The following MAF variants were observed in gnomAD, a reference collection of about 807,000 sequenced individuals.
MAF encodes the protein MAF bZIP transcription factor.
MAF carries 10 observed loss-of-function variants against 22.0 expected under a neutral mutation model. The observed-to-expected ratio is 0.45, with a 90% CI of 0.28 to 0.77. The LOEUF (loss-of-function observed/expected upper bound fraction) is 0.77. MAF is among the 30% of genes least tolerant of loss of function. The pLI is 0.12. For missense variants in MAF, 544 were observed against 548.4 expected (o/e 0.99, Z 0.08); for synonymous variants, 337 against 255.8 (o/e 1.32, Z -3.03).
the MAF span, among the ~76,000 whole-genome samples, chr16:79,573,488 T>C: frequency 2.0e-5 from 3 of 152,216 alleles, no homozygotes; most frequent in African/African-American, 7.2e-5. Flanking sequence ...TTCCCCCATA[T>C]CTTCTGGAAA....
chr16:79,459,906 A>G, the MAF span, among the ~76,000 whole-genome samples: 5 of 152,214 alleles, frequency 3.3e-5, no homozygotes, highest in South Asian at 8.3e-4. Context: ...ACATTCTCAT[A>G]AATATATCTG....
At chr16:79,462,678 G>A in the MAF span, among the ~76,000 whole-genome samples, 3 of 152,142 alleles carry the variant, frequency 2.0e-5, no homozygotes. Context: ...CACACAAAGG[G>A]AATTTCGTCC....
chr16:79,211,949 T>A, the MAF span: 1 of 1,536,718 alleles, frequency 6.5e-7, no homozygotes, highest in African/African-American at 1.4e-5. Flanking sequence ...AAATCTTAAG[T>A]ACCAATGGGA....
chr16:79,536,991 T>C, the MAF span, among the ~76,000 whole-genome samples: 1 of 152,184 alleles, frequency 6.6e-6, no homozygotes, highest in Non-Finnish European at 1.5e-5. Flanking sequence ...CTTTTATGTA[T>C]ACCATAGGCT....
chr16:79,252,588 C>T, the MAF span, among the ~76,000 whole-genome samples: 1 of 152,082 alleles, frequency 6.6e-6, no homozygotes, highest in African/African-American at 2.4e-5. Context: ...CTCCTGGGTT[C>T]AAGCGATTCT....
At chr16:79,267,719 C>T in the MAF span, among the ~76,000 whole-genome samples, 3 of 152,188 alleles carry the variant, frequency 2.0e-5, no homozygotes, top group Non-Finnish European at 2.9e-5. Flanking sequence ...AAGATGAACA[C>T]CTGCTTCAAT....
chr16:79,332,901 C>G, the MAF span, among the ~76,000 whole-genome samples: 1 of 152,198 alleles, frequency 6.6e-6, no homozygotes. Flanking sequence ...CACAGTTCTC[C>G]AAGCTGGGAT....
chr16:79,322,078 G>A, the MAF span, among the ~76,000 whole-genome samples: 5 of 151,982 alleles, frequency 3.3e-5, no homozygotes, highest in African/African-American at 4.8e-5. Context: ...CTAAAAATAC[G>A]AAAATTAGCC....
the MAF span, among the ~76,000 whole-genome samples, chr16:79,251,484 T>G: frequency 6.6e-6 from 1 of 151,894 alleles, no homozygotes; most frequent in Non-Finnish European, 1.5e-5. Flanking sequence ...TCTGGCCAAT[T>G]TTTTGTATTT....
the MAF span, among the ~76,000 whole-genome samples, chr16:79,537,505 G>A: frequency 2.0e-4 from 30 of 152,278 alleles, no homozygotes; most frequent in Admixed American, 6.5e-4. Flanking sequence ...AAGTTCGTGC[G>A]GCTGAGTCTT....
the MAF span, among the ~76,000 whole-genome samples, chr16:79,221,845 G>C: frequency 1.3e-5 from 2 of 152,264 alleles, no homozygotes; most frequent in East Asian, 3.9e-4. Flanking sequence ...GTGAAGTTCT[G>C]TTATTAAAAA....
the MAF span, among the ~76,000 whole-genome samples, chr16:79,472,844 C>A: frequency 1.3e-5 from 2 of 151,666 alleles, no homozygotes; most frequent in Non-Finnish European, 2.9e-5. Flanking sequence ...AAAACCCTGC[C>A]ATGGAGAGGG....
At chr16:79,331,184 T>C in the MAF span, among the ~76,000 whole-genome samples, 4 of 152,172 alleles carry the variant, frequency 2.6e-5, no homozygotes, top group African/African-American at 9.7e-5. Flanking sequence ...GCAGGCCTAA[T>C]CCCACATGGA....
At chr16:79,551,513 T>C in the MAF span, among the ~76,000 whole-genome samples, 1 of 152,188 alleles carries the variant, frequency 6.6e-6, no homozygotes, top group African/African-American at 2.4e-5. Context: ...GAGAAAGACG[T>C]GGCCCTTTCT....
At chr16:79,466,877 G>A in the MAF span, among the ~76,000 whole-genome samples, 1 of 152,158 alleles carries the variant, frequency 6.6e-6, no homozygotes, top group African/African-American at 2.4e-5. Context: ...GTTCCATATG[G>A]ACACGGATCT....
the MAF span, among the ~76,000 whole-genome samples, chr16:79,513,474 C>A: frequency 6.6e-6 from 1 of 152,130 alleles, no homozygotes; most frequent in Non-Finnish European, 1.5e-5. Context: ...GCACAGCAGA[C>A]GGTCAATGAA....
At chr16:79,531,952 G>A in the MAF span, among the ~76,000 whole-genome samples, 1 of 152,108 alleles carries the variant, frequency 6.6e-6, no homozygotes, top group Middle Eastern at 3.2e-3. Context: ...ATGGTCTGGG[G>A]ACCGTGGGAA....
chr16:79,481,478 A>G, the MAF span, among the ~76,000 whole-genome samples: 1 of 152,006 alleles, frequency 6.6e-6, no homozygotes, highest in African/African-American at 2.4e-5. Flanking sequence ...AGATTTGCCT[A>G]CACCCCCTAG....
chr16:79,347,946 C>A, the MAF span, among the ~76,000 whole-genome samples: 1 of 152,172 alleles, frequency 6.6e-6, no homozygotes, highest in African/African-American at 2.4e-5. Context: ...TATATGTATA[C>A]ATGTATATAT....
Sources: gnomAD v4.1 joint callset for allele counts (sites outside exome capture counted in the v4.1 genomes callset) on GRCh38, gnomAD v4.1.1 for gene constraint, MANE v1.5 for transcripts, NCBI Gene and HGNC (gene_info 2026-07-23, HGNC 2026-07-21) for gene names.